Variants in ITPK1 observed in about 807,000 individuals in gnomAD.
The protein encoded by ITPK1 is inositol-tetrakisphosphate 1-kinase, also known as inositol 1,3,4-trisphosphate 5/6-kinase.
Under a neutral mutation model 45.3 loss-of-function variants are expected in ITPK1, and 21 were observed. That is an observed-to-expected ratio of 0.46 (90% confidence interval 0.33 to 0.67). The LOEUF is 0.67. ITPK1 is among the 30% of genes least tolerant of loss of function. The pLI, the probability that ITPK1 is intolerant of heterozygous loss-of-function variation, is 0.02. For synonymous variants in ITPK1, 258 were observed against 253.6 expected (o/e 1.02, Z -0.16); for missense variants, 474 against 573.5 (o/e 0.83, Z 1.77).
At chr14:93,062,018 C>T (rs2139953773) in intron 3 of ITPK1, among the ~76,000 whole-genome samples, 1 of 152,312 alleles carries the variant, frequency 6.6e-6, no homozygotes, top group Non-Finnish European at 1.5e-5. Context: ...CGCCTGTAAT[C>T]CCAACACTTT....
chr14:93,050,537 A>G (rs1389119302), intron 3 of ITPK1, among the ~76,000 whole-genome samples: 2 of 152,094 alleles, frequency 1.3e-5, no homozygotes, highest in African/African-American at 4.8e-5. Flanking sequence ...CAGGTGGCCG[A>G]ATACTGCAGC....
At chr14:93,057,069 C>G (rs1474222521) in intron 3 of ITPK1, among the ~76,000 whole-genome samples, 2 of 152,174 alleles carry the variant, frequency 1.3e-5, no homozygotes, top group Non-Finnish European at 2.9e-5. Flanking sequence ...TCTGGGTGCT[C>G]CCAAATGCCA....
intron 2 of ITPK1, among the ~76,000 whole-genome samples, chr14:93,088,592 G>C (rs1661169397): frequency 6.6e-6 from 1 of 152,080 alleles, no homozygotes; most frequent in Middle Eastern, 3.2e-3. Flanking sequence ...CCAACATCAA[G>C]TGATCTGCCT....
At chr14:93,033,636 A>G (rs900325687) in intron 3 of ITPK1, among the ~76,000 whole-genome samples, 1 of 152,180 alleles carries the variant, frequency 6.6e-6, no homozygotes, top group African/African-American at 2.4e-5. Context: ...TCATGGAGGA[A>G]GCCAGGCCAG....
intron 2 of ITPK1, among the ~76,000 whole-genome samples, chr14:93,083,463 G>A (rs1049700828): frequency 6.6e-6 from 1 of 152,224 alleles, no homozygotes; most frequent in Non-Finnish European, 1.5e-5. Flanking sequence ...AGCAAGGGAG[G>A]AAGGTTCTAC....
intron 3 of ITPK1, among the ~76,000 whole-genome samples, chr14:93,052,965 T>G: frequency 7.7e-6 from 1 of 130,090 alleles, no homozygotes; most frequent in African/African-American, 2.9e-5. Context: ...CACCAGGACC[T>G]ATTGTGGGGT....
intron 3 of ITPK1, chr14:93,071,076 G>A (rs950226462): frequency 1.3e-5 from 2 of 153,842 alleles, no homozygotes; most frequent in Non-Finnish European, 2.9e-5. Context: ...CTCTTCCCTT[G>A]TCCTGCAGCC....
At chr14:93,006,604 C>A (rs1372485431) in intron 4 of ITPK1, among the ~76,000 whole-genome samples, 1 of 152,232 alleles carries the variant, frequency 6.6e-6, no homozygotes, top group Non-Finnish European at 1.5e-5. Flanking sequence ...ATGGGGGCTA[C>A]TGAGGCATTA....
chr14:92,966,041 G>A (rs1388496741), intron 5 of ITPK1, among the ~76,000 whole-genome samples: 1 of 152,170 alleles, frequency 6.6e-6, no homozygotes, highest in African/African-American at 2.4e-5. Context: ...TTTTAGACAG[G>A]GTCTCACTCA....
intron 4 of ITPK1, among the ~76,000 whole-genome samples, chr14:92,997,394 T>A (rs1337648658): frequency 6.6e-6 from 1 of 152,190 alleles, no homozygotes; most frequent in Non-Finnish European, 1.5e-5. Context: ...GGAAAACATC[T>A]GACAAGCAGG....
At chr14:93,023,215 A>G (rs1397174422) in intron 3 of ITPK1, among the ~76,000 whole-genome samples, 1 of 152,198 alleles carries the variant, frequency 6.6e-6, no homozygotes, top group African/African-American at 2.4e-5. Flanking sequence ...GCAGGACTGC[A>G]CTTCCTGATT....
chr14:92,985,629 C>T (rs377462762), intron 5 of ITPK1, among the ~76,000 whole-genome samples: 6 of 151,986 alleles, frequency 3.9e-5, no homozygotes, highest in South Asian at 2.1e-4. Flanking sequence ...TTTGCAAACA[C>T]GGGGCTGGGC....
At chr14:93,092,129 A>T (rs1252890685) in intron 2 of ITPK1, among the ~76,000 whole-genome samples, 1 of 152,180 alleles carries the variant, frequency 6.6e-6, no homozygotes, top group East Asian at 1.9e-4. Context: ...GGTCACAGAG[A>T]AGTCAAGGGG....
chr14:93,078,877 A>C (rs768847858), intron 2 of ITPK1, among the ~76,000 whole-genome samples: 1 of 152,076 alleles, frequency 6.6e-6, no homozygotes, highest in Non-Finnish European at 1.5e-5. Flanking sequence ...AGCCAGCCCA[A>C]ACTCCAGCGG....
intron 2 of ITPK1, among the ~76,000 whole-genome samples, chr14:93,097,820 C>T (rs1207414661): frequency 6.6e-6 from 1 of 152,104 alleles, no homozygotes; most frequent in African/African-American, 2.4e-5. Flanking sequence ...AACAGCCTGG[C>T]CAACATGGTG....
At chr14:92,959,035 G>A (rs1884906485) in intron 7 of ITPK1, among the ~76,000 whole-genome samples, 1 of 152,214 alleles carries the variant, frequency 6.6e-6, no homozygotes. Context: ...CCTACACACG[G>A]AGCCATGTGA....
At chr14:93,001,055 G>A (rs1484654779) in intron 4 of ITPK1, among the ~76,000 whole-genome samples, 1 of 151,440 alleles carries the variant, frequency 6.6e-6, no homozygotes, top group Non-Finnish European at 1.5e-5. Context: ...TGACGCGGGA[G>A]TATCACAAGG....
At chr14:92,960,536 C>T (rs1885014618) in intron 7 of ITPK1, among the ~76,000 whole-genome samples, 1 of 152,220 alleles carries the variant, frequency 6.6e-6, no homozygotes, top group Admixed American at 6.5e-5. Context: ...ACACACGGCA[C>T]CAGAATCAGT....
At chr14:93,098,349 C>T (rs542961812) in intron 2 of ITPK1, among the ~76,000 whole-genome samples, 1 of 151,788 alleles carries the variant, frequency 6.6e-6, no homozygotes, top group East Asian at 1.9e-4. Context: ...CCCAGCTACT[C>T]GGAAGGTTGA....
Sources: gnomAD v4.1 joint callset for allele counts (sites outside exome capture counted in the v4.1 genomes callset) on GRCh38, gnomAD v4.1.1 for gene constraint, MANE v1.5 for transcripts, NCBI Gene and HGNC (gene_info 2026-07-23, HGNC 2026-07-21) for gene names.